NOS1AP: variants seen among roughly 807,000 people sequenced by gnomAD.
The protein encoded by NOS1AP is carboxyl-terminal PDZ ligand of neuronal nitric oxide synthase protein.
NOS1AP carries 21 observed loss-of-function variants against 56.2 expected under a neutral mutation model. The ratio of observed to expected loss-of-function variants is 0.37; its 90% CI spans 0.26 to 0.54. The LOEUF (loss-of-function observed/expected upper bound fraction) is 0.54, where lower values mean the gene tolerates loss of function less well. Among genes scored for constraint, NOS1AP ranks in the 20% least tolerant of loss-of-function variants. The pLI is 0.84. For synonymous variants in NOS1AP, 270 were observed against 274.6 expected (o/e 0.98, Z 0.17); for missense variants, 522 against 657.8 (o/e 0.79, Z 2.26).
intron 2 of NOS1AP, among the ~76,000 whole-genome samples, chr1:162,221,491 C>A (rs1195395091): frequency 6.6e-6 from 1 of 150,820 alleles, no homozygotes; most frequent in African/African-American, 2.4e-5. Context: ...GGTAATCTCT[C>A]ATTTCTTTTT....
intron 1 of NOS1AP, among the ~76,000 whole-genome samples, chr1:162,112,273 C>T (rs1647740339): frequency 6.6e-6 from 1 of 152,164 alleles, no homozygotes; most frequent in Non-Finnish European, 1.5e-5. Context: ...GCATGGCCAA[C>T]AAAAGTACCA....
chr1:162,160,120 G>A (rs1391866446), intron 2 of NOS1AP, among the ~76,000 whole-genome samples: 3 of 152,158 alleles, frequency 2.0e-5, no homozygotes, highest in Admixed American at 2.0e-4. Flanking sequence ...GACACTCAGG[G>A]GTATCTGGTC....
intron 8 of NOS1AP, among the ~76,000 whole-genome samples, chr1:162,357,843 T>G (rs1012869037): frequency 6.6e-6 from 1 of 151,962 alleles, no homozygotes; most frequent in African/African-American, 2.4e-5. Flanking sequence ...CAGCAGGGAT[T>G]CTTCTTGTTT....
At chr1:162,351,916 G>A (rs1657509795) in intron 6 of NOS1AP, among the ~76,000 whole-genome samples, 1 of 152,164 alleles carries the variant, frequency 6.6e-6, no homozygotes, top group African/African-American at 2.4e-5. Flanking sequence ...TTACCAGGCA[G>A]GGGTTCCTAA....
intron 2 of NOS1AP, among the ~76,000 whole-genome samples, chr1:162,158,201 T>C (rs930022689): frequency 6.6e-6 from 1 of 152,228 alleles, no homozygotes; most frequent in African/African-American, 2.4e-5. Context: ...ACTCTCTGTT[T>C]CTGTGATTTT....
At chr1:162,226,470 T>G (rs1219790158) in intron 2 of NOS1AP, among the ~76,000 whole-genome samples, 1 of 152,162 alleles carries the variant, frequency 6.6e-6, no homozygotes, top group African/African-American at 2.4e-5. Flanking sequence ...TATTAACATC[T>G]AAATACTTAG....
At chr1:162,306,383 A>AC in intron 4 of NOS1AP, among the ~76,000 whole-genome samples, 1 of 151,938 alleles carries the variant, frequency 6.6e-6, no homozygotes, top group South Asian at 2.1e-4. Context: ...AAGCAAAACA[A>AC]CTCCCTGGCA....
chr1:162,340,640 C>T (rs532421655), intron 5 of NOS1AP, among the ~76,000 whole-genome samples: 2 of 152,126 alleles, frequency 1.3e-5, no homozygotes, highest in East Asian at 1.9e-4. Flanking sequence ...ACAGAAATAC[C>T]GTAGAGAACA....
At chr1:162,103,177 A>G (rs1232668597) in intron 1 of NOS1AP, among the ~76,000 whole-genome samples, 1 of 152,014 alleles carries the variant, frequency 6.6e-6, no homozygotes, top group Admixed American at 6.6e-5. Flanking sequence ...ATTTCTGCCT[A>G]ATTTCATTAT....
Position 162,274,613 on chromosome 1 carries a change from A to G in NOS1AP, c.178-12731A>G, listed in dbSNP as rs548174011. ...ATTGAACATCTTTTCATGGGAGGCC[A>G]TTATTCCAGACTTGGGTGAATACCC... is the stretch of plus-strand genomic sequence containing the variant. On this transcript the variant is annotated intron_variant, in intron 2 of 9. Transcript: ENST00000361897. 3.9e-5 allele frequency among the ~76,000 whole-genome samples: 6 copies of G among 152,342 alleles called. No individual in the cohort carries two copies. In the East Asian group the frequency reaches 5.8e-4, roughly 15 times the overall value.
chr1:162,159,905 G>A (rs978666290), intron 2 of NOS1AP, among the ~76,000 whole-genome samples: 1 of 152,168 alleles, frequency 6.6e-6, no homozygotes, highest in Non-Finnish European at 1.5e-5. Context: ...CCCAGCTCCA[G>A]CATGTCACTG....
intron 2 of NOS1AP, among the ~76,000 whole-genome samples, chr1:162,284,831 T>G (rs1388272540): frequency 6.6e-6 from 1 of 152,200 alleles, no homozygotes; most frequent in Non-Finnish European, 1.5e-5. Flanking sequence ...AAATCATGAT[T>G]AATAAAGGCC....
In NOS1AP at chr1:162,283,564, A is replaced by G. The variant is rs543857028; in HGVS notation, c.178-3780A>G. ...CAACTTCTCATCGATGTTCTTACTCATGTCTTCCATTGAGTGTTCACTCCT... is the reference window on the plus strand; with the variant it reads ...CAACTTCTCATCGATGTTCTTACTCGTGTCTTCCATTGAGTGTTCACTCCT... On this transcript the variant is annotated intron_variant, in intron 2 of 9. Transcript: ENST00000361897. Among the ~76,000 whole-genome samples, 4 of 152,270 alleles carry G rather than the reference A, an allele frequency of 2.6e-5. No homozygotes were observed. In the South Asian group the frequency reaches 8.3e-4, roughly 32 times the overall value.
chr1:162,112,211 G>A (rs1647738308), intron 1 of NOS1AP, among the ~76,000 whole-genome samples: 1 of 152,140 alleles, frequency 6.6e-6, no homozygotes, highest in Non-Finnish European at 1.5e-5. Flanking sequence ...TCTGATGGTT[G>A]GGAACTAGTT....
intron 2 of NOS1AP, among the ~76,000 whole-genome samples, chr1:162,232,805 C>G (rs913917462): frequency 1.3e-5 from 2 of 152,076 alleles, no homozygotes; most frequent in Non-Finnish European, 2.9e-5. Flanking sequence ...ATTATGCACT[C>G]TATTATGTAA....
chr1:162,170,386 C>T (rs924501470), intron 2 of NOS1AP, among the ~76,000 whole-genome samples: 6 of 152,186 alleles, frequency 3.9e-5, no homozygotes, highest in African/African-American at 1.4e-4. Flanking sequence ...TTGTCTAAGG[C>T]TACCCAGGTA....
chr1:162,359,718 GC>G (rs1255305084), intron 8 of NOS1AP, among the ~76,000 whole-genome samples: 1 of 139,680 alleles, frequency 7.2e-6, no homozygotes, highest in Non-Finnish European at 1.5e-5. Context: ...GTTTCTCTAC[GC>G]GGGGGGGGGC....
chr1:162,207,632 A>T (rs529493876), intron 2 of NOS1AP, among the ~76,000 whole-genome samples: 4 of 152,342 alleles, frequency 2.6e-5, no homozygotes, highest in Non-Finnish European at 5.9e-5. Context: ...ATTAAATAGT[A>T]GTTCCTGGTT....
chr1:162,301,214 C>T (rs1304745607), intron 4 of NOS1AP, among the ~76,000 whole-genome samples: 1 of 152,064 alleles, frequency 6.6e-6, no homozygotes, highest in African/African-American at 2.4e-5. Flanking sequence ...GAAATCCTAA[C>T]CCCCAAGATG....
Sources: allele counts gnomAD v4.1 joint callset (sites outside exome capture counted in the v4.1 genomes callset), GRCh38; gene constraint gnomAD v4.1.1; transcripts MANE v1.5; gene names NCBI Gene and HGNC (gene_info 2026-07-23, HGNC 2026-07-21).